The following TDRD3 variants were observed in gnomAD, a reference collection of about 807,000 sequenced individuals.
The protein encoded by TDRD3 is tudor domain containing 3, also known as tudor domain-containing protein 3.
In TDRD3, 45 loss-of-function variants were observed where a neutral mutation model predicts 86.7. The ratio of observed to expected loss-of-function variants is 0.52; its 90% CI spans 0.41 to 0.67. The LOEUF (loss-of-function observed/expected upper bound fraction) is 0.67, where lower values mean the gene tolerates loss of function less well. TDRD3 is among the 30% of genes least tolerant of loss of function. The probability of loss-of-function intolerance (pLI) is 0.00; values close to 1 mark genes in which losing one functional copy is unlikely to be tolerated. For synonymous variants in TDRD3, 298 were observed against 301.7 expected, an observed-to-expected ratio of 0.99 and a Z score of 0.13; for missense variants, 814 against 889.0, an observed-to-expected ratio of 0.92 and a Z score of 1.07.
intron 7 of TDRD3, among the ~76,000 whole-genome samples, chr13:60,492,843 A>G (rs775023441): frequency 6.6e-6 from 1 of 151,916 alleles, no homozygotes; most frequent in African/African-American, 2.4e-5. Context: ...ATTAGTGCTC[A>G]TCCAACATTT....
chr13:60,546,397 T>C (rs965713400), intron 12 of TDRD3, among the ~76,000 whole-genome samples: 10 of 152,080 alleles, frequency 6.6e-5, no homozygotes, highest in African/African-American at 2.4e-4. Context: ...TGTAATTCAT[T>C]TAAGAAAAAG....
intron 12 of TDRD3, 150 bp downstream of exon 12, chr13:60,535,383 A>G (rs1160169588): frequency 1.3e-6 from 1 of 756,658 alleles, no homozygotes; most frequent in Non-Finnish European, 1.9e-6. Context: ...ATTTTAATTC[A>G]ATGCTTACAC....
chr13:60,489,465 G>T (rs1422204893), intron 7 of TDRD3, among the ~76,000 whole-genome samples: 1 of 152,176 alleles, frequency 6.6e-6, no homozygotes, highest in East Asian at 1.9e-4. Flanking sequence ...TAGTAAAGGG[G>T]CCAGAAGCAC....
chr13:60,458,733 G>A (rs1017669356), intron 3 of TDRD3, among the ~76,000 whole-genome samples: 3 of 152,074 alleles, frequency 2.0e-5, no homozygotes, highest in African/African-American at 7.2e-5. Context: ...TGGCTAGTAC[G>A]ATTGAACAAT....
At chr13:60,477,875 G>T (rs1956219674) in intron 5 of TDRD3, among the ~76,000 whole-genome samples, 1 of 152,156 alleles carries the variant, frequency 6.6e-6, no homozygotes, top group Non-Finnish European at 1.5e-5. Context: ...TCAGGATGAT[G>T]CTGGCTTTGT....
chr13:60,485,708 C>G (rs887499066), intron 6 of TDRD3, 91 bp from the exon 7 acceptor site: 2 of 1,036,308 alleles, frequency 1.9e-6, no homozygotes, highest in Non-Finnish European at 2.6e-6. Flanking sequence ...GTAAAAGATA[C>G]AAGATACTTT....
chr13:60,494,640 C>G, intron 8 of TDRD3, 65 bp downstream of exon 8: 1 of 1,493,716 alleles, frequency 6.7e-7, no homozygotes, highest in Non-Finnish European at 9.1e-7. Flanking sequence ...TTTATTCTTT[C>G]TTACCACCAC....
chr13:60,442,493 G>A (rs1331942149), intron 2 of TDRD3, among the ~76,000 whole-genome samples: 1 of 151,636 alleles, frequency 6.6e-6, no homozygotes, highest in Non-Finnish European at 1.5e-5. Flanking sequence ...ATTATTTTTT[G>A]TTGTTCAATA....
At position 60,548,409 on chromosome 13, in the gene TDRD3, C is replaced by T. The variant is rs1271209815; in HGVS notation, c.2118+13176C>T. ...GCTTGTCACTGTACTTGTTCCAGTC[C>T]TCTCCAACAATCTAAGAATGCTTGG... On this transcript the variant is annotated intron_variant, in intron 12 of 13. Coordinates refer to ENST00000377881, the MANE Select transcript of TDRD3 (RefSeq NM_001146070.2). Among the ~76,000 whole-genome samples the T allele has an allele frequency of 2.0e-5, 3 of 152,094 alleles. No individual in the cohort carries two copies. In the South Asian group the frequency reaches 6.2e-4, roughly 31 times the overall value.
chr13:60,466,344 A>G (rs78443840), intron 4 of TDRD3, among the ~76,000 whole-genome samples: 42 of 152,204 alleles, frequency 2.8e-4, no homozygotes, highest in African/African-American at 1.0e-3. Flanking sequence ...GTCAAATCTT[A>G]TATAGCATAG....
At position 60,480,201 on chromosome 13, in the gene TDRD3, C is replaced by T. The variant is rs553922723; in HGVS notation, c.496-3574C>T. The stretch of plus-strand genomic sequence containing the variant: ...AAGGCAGGTCTGGTGGTAATAAATC[C>T]CCTTAGCATTTGCATGTCTGAAAAG... On this transcript the variant is annotated intron_variant, in intron 5 of 13. Coordinates refer to ENST00000377881, the MANE Select transcript of TDRD3 (RefSeq NM_001146070.2). 2.6e-5 allele frequency among the ~76,000 whole-genome samples: 4 copies of T among 152,196 alleles called. No homozygotes were observed. In the South Asian group the frequency reaches 8.3e-4, roughly 32 times the overall value.
intron 12 of TDRD3, among the ~76,000 whole-genome samples, chr13:60,566,182 T>C (rs1437946596): frequency 2.0e-5 from 3 of 152,124 alleles, no homozygotes; most frequent in African/African-American, 7.2e-5. Flanking sequence ...CGAAAGATAC[T>C]ACTGTCTTAG....
chr13:60,533,979 A>G (rs1345400969), intron 11 of TDRD3, among the ~76,000 whole-genome samples: 1 of 152,180 alleles, frequency 6.6e-6, no homozygotes. Context: ...CTGCAATCAG[A>G]TGACCTATTC....
intron 1 of TDRD3, among the ~76,000 whole-genome samples, chr13:60,422,013 A>G (rs576145236): frequency 2.0e-5 from 3 of 152,356 alleles, no homozygotes; most frequent in Admixed American, 1.3e-4. Context: ...CAGGCATGTA[A>G]CTTAAAATAG....
At chr13:60,505,753 G>A (rs750666321) in intron 8 of TDRD3, among the ~76,000 whole-genome samples, 14 of 152,070 alleles carry the variant, frequency 9.2e-5, no homozygotes, top group Non-Finnish European at 1.8e-4. Context: ...ATCAATAGCC[G>A]AATTGATAAA....
At chr13:60,552,253 G>A (rs947714652) in intron 12 of TDRD3, among the ~76,000 whole-genome samples, 1 of 152,228 alleles carries the variant, frequency 6.6e-6, no homozygotes, top group Admixed American at 6.5e-5. Flanking sequence ...TTGGGTAAAT[G>A]TTCCTATTCC....
At chr13:60,418,372 G>A (rs1954576086) in intron 1 of TDRD3, among the ~76,000 whole-genome samples, 2 of 151,902 alleles carry the variant, frequency 1.3e-5, no homozygotes, top group Admixed American at 6.6e-5. Flanking sequence ...TTCTTCTGAG[G>A]TCCTTTAACA....
chr13:60,426,847 C>T (rs1368771474), intron 1 of TDRD3, among the ~76,000 whole-genome samples: 3 of 152,162 alleles, frequency 2.0e-5, no homozygotes, highest in Non-Finnish European at 2.9e-5. Flanking sequence ...ACTGTGGGAA[C>T]GTCACAGAGT....
At chr13:60,516,149 A>T (rs936995039) in intron 10 of TDRD3, among the ~76,000 whole-genome samples, 1 of 152,216 alleles carries the variant, frequency 6.6e-6, no homozygotes, top group Non-Finnish European at 1.5e-5. Flanking sequence ...TGCATAATCA[A>T]ACCTTTCTTG....
Sources: allele counts gnomAD v4.1 joint callset (sites outside exome capture counted in the v4.1 genomes callset), GRCh38; gene constraint gnomAD v4.1.1; transcripts MANE v1.5; gene names NCBI Gene and HGNC (gene_info 2026-07-23, HGNC 2026-07-21).